The following GALNTL6 variants were observed in gnomAD, a reference collection of about 807,000 sequenced individuals.
The protein encoded by GALNTL6 is polypeptide N-acetylgalactosaminyltransferase like 6.
GALNTL6 carries 46 observed loss-of-function variants against 73.7 expected under a neutral mutation model. The ratio of observed to expected loss-of-function variants is 0.62; its 90% CI spans 0.49 to 0.80. The LOEUF (loss-of-function observed/expected upper bound fraction) is 0.80, where lower values mean the gene tolerates loss of function less well. Ranked by LOEUF, GALNTL6 falls within the 30% of genes least tolerant of loss-of-function variation. The probability of loss-of-function intolerance (pLI) is 0.00; values close to 1 mark genes in which losing one functional copy is unlikely to be tolerated. For synonymous variants in GALNTL6, 259 were observed against 263.7 expected (o/e 0.98, Z 0.17); for missense variants, 604 against 755.0 (o/e 0.80, Z 2.34).
In GALNTL6 at chr4:172,348,674, G is replaced by T. The variant is rs1320282880; in HGVS notation, c.538G>T (p.Asp180Tyr). 1.2e-6 allele frequency: 2 copies of T among 1,608,298 alleles called. No homozygotes were observed. The highest frequency in any genetic ancestry group is 1.7e-6 in the Non-Finnish European group (2 of 1,176,568). The change falls in exon 5 of 13, where the codon GAC becomes TAC. Residue 180 changes from aspartate (D) to tyrosine (Y), a missense_variant. Coordinates refer to ENST00000506823, the MANE Select transcript of GALNTL6 (RefSeq NM_001034845.3). ...SLIAEIILVD[D>Y]FSEREHLKDK... Reference sequence around the variant, plus strand: ...GATAGCAGAAATCATTCTAGTAGATGACTTCAGTGAGAGAGGTAAGATACA... The same window carrying T: ...GATAGCAGAAATCATTCTAGTAGATTACTTCAGTGAGAGAGGTAAGATACA...
At chr4:173,039,709 CTAAT>C (rs1241469114) in intron 12 of GALNTL6, among the ~76,000 whole-genome samples, 1 of 152,184 alleles carries the variant, frequency 6.6e-6, no homozygotes, top group Admixed American at 6.5e-5. Flanking sequence ...TTTATTGTCT[CTAAT>C]TGAACCTGCT....
intron 2 of GALNTL6, among the ~76,000 whole-genome samples, chr4:172,141,351 G>T (rs1475238990): frequency 6.6e-6 from 1 of 151,974 alleles, no homozygotes; most frequent in Non-Finnish European, 1.5e-5. Flanking sequence ...GTTGAGGAAG[G>T]CAGGCAAAAT....
intron 2 of GALNTL6, among the ~76,000 whole-genome samples, chr4:171,845,345 A>T (rs1263141313): frequency 6.6e-6 from 1 of 152,202 alleles, no homozygotes; most frequent in Non-Finnish European, 1.5e-5. Flanking sequence ...GGACCGAAAG[A>T]AAAACTTGAA....
rs553639003 is a variant in GALNTL6 at position 172,219,693 on chromosome 4, T to A, written c.139-9963T>A. Among the ~76,000 whole-genome samples the A allele has an allele frequency of 3.3e-5, 5 of 152,064 alleles. No homozygotes were observed. The South Asian group carries it at 1.0e-3, about 31-fold the overall frequency. ...TGTGAAAGTCACGGTCCAAGACCCTTTTAAGATTTAGATTTTAAGTGCTTT... is the reference window on the plus strand; with the variant it reads ...TGTGAAAGTCACGGTCCAAGACCCTATTAAGATTTAGATTTTAAGTGCTTT... On this transcript the variant is annotated intron_variant, in intron 2 of 12. Coordinates refer to ENST00000506823, the MANE Select transcript of GALNTL6 (RefSeq NM_001034845.3).
intron 2 of GALNTL6, among the ~76,000 whole-genome samples, chr4:171,826,130 C>G (rs1477849879): frequency 2.0e-5 from 3 of 152,144 alleles, no homozygotes; most frequent in South Asian, 2.1e-4. Context: ...CTCTCTTCGT[C>G]GTTTTTGGAA....
chr4:172,914,608 G>A (rs986272813), intron 8 of GALNTL6, among the ~76,000 whole-genome samples: 2 of 152,162 alleles, frequency 1.3e-5, no homozygotes, highest in Admixed American at 1.3e-4. Flanking sequence ...CCTAGTCTCT[G>A]ATAAAACAGA....
intron 5 of GALNTL6, among the ~76,000 whole-genome samples, chr4:172,646,125 A>G (rs1740231190): frequency 6.6e-6 from 1 of 152,030 alleles, no homozygotes; most frequent in Admixed American, 6.6e-5. Context: ...AAGTATTTAT[A>G]TTTTGTACTA....
Position 172,442,767 on chromosome 4 carries a change from A to C in GALNTL6, c.553+94078A>C, listed in dbSNP as rs76738899. ...ACTTGTTACTTGGAATGCAAATATC[A>C]GTATGATGTGCTATTTGCCATTAAG... On this transcript the variant is annotated intron_variant, in intron 5 of 12. Coordinates refer to ENST00000506823, the MANE Select transcript of GALNTL6 (RefSeq NM_001034845.3). 6.7e-3 allele frequency among the ~76,000 whole-genome samples: 1,015 copies of C among 152,306 alleles called. 13 individuals are homozygous for C. Among genetic ancestry groups the C allele is most frequent in the African/African-American group, 0.021 (856 of 41,574 alleles).
chr4:172,146,026 G>C (rs1733918292), intron 2 of GALNTL6, among the ~76,000 whole-genome samples: 1 of 152,176 alleles, frequency 6.6e-6, no homozygotes, highest in Admixed American at 6.5e-5. Context: ...TGTACACAAT[G>C]CTCTTGGCTA....
At chr4:172,369,210 CAG>C (rs1451825512) in intron 5 of GALNTL6, among the ~76,000 whole-genome samples, 1 of 152,144 alleles carries the variant, frequency 6.6e-6, no homozygotes, top group Non-Finnish European at 1.5e-5. Context: ...GAGCTAGACA[CAG>C]AGTGCTGACT....
intron 2 of GALNTL6, among the ~76,000 whole-genome samples, chr4:172,062,052 C>T (rs76284816): frequency 0.025 from 3,634 of 148,146 alleles, 141 homozygotes; most frequent in African/African-American, 0.085. Context: ...CAGGTTCAAA[C>T]GATTCTCCTG....
At chr4:172,250,846 G>A (rs1426590968) in intron 3 of GALNTL6, among the ~76,000 whole-genome samples, 7 of 152,142 alleles carry the variant, frequency 4.6e-5, no homozygotes, top group Non-Finnish European at 1.0e-4. Flanking sequence ...AACAGAGCAA[G>A]TTTTATTTTA....
chr4:171,912,221 T>C (rs559847960), intron 2 of GALNTL6, among the ~76,000 whole-genome samples: 1 of 152,196 alleles, frequency 6.6e-6, no homozygotes, highest in South Asian at 2.1e-4. Context: ...GTTCTACAGG[T>C]ACTCTGAATT....
intron 5 of GALNTL6, among the ~76,000 whole-genome samples, chr4:172,717,877 G>A (rs955582718): frequency 1.3e-5 from 2 of 152,172 alleles, no homozygotes; most frequent in African/African-American, 4.8e-5. Flanking sequence ...TCTCCTTTCA[G>A]AGATTAAGGG....
intron 2 of GALNTL6, among the ~76,000 whole-genome samples, chr4:172,137,007 C>A (rs539554082): frequency 6.6e-6 from 1 of 152,122 alleles, no homozygotes; most frequent in Admixed American, 6.5e-5. Flanking sequence ...CTCCCATATA[C>A]CCCTTTTTAA....
chr4:172,282,842 A>G (rs1739110920), intron 3 of GALNTL6, among the ~76,000 whole-genome samples: 1 of 152,154 alleles, frequency 6.6e-6, no homozygotes. Context: ...TAAGACAAAG[A>G]AACAAAAACA....
At chr4:172,430,178 G>A (rs1382833109) in intron 5 of GALNTL6, among the ~76,000 whole-genome samples, 1 of 151,890 alleles carries the variant, frequency 6.6e-6, no homozygotes, top group African/African-American at 2.4e-5. Context: ...CTAGTTCTTA[G>A]AACTTGACAG....
chr4:171,940,550 A>G (rs1321143597), intron 2 of GALNTL6, among the ~76,000 whole-genome samples: 1 of 152,146 alleles, frequency 6.6e-6, no homozygotes, highest in Non-Finnish European at 1.5e-5. Context: ...GGCCAGGCGC[A>G]GTGGCTCATG....
intron 5 of GALNTL6, among the ~76,000 whole-genome samples, chr4:172,632,675 A>G (rs1482927747): frequency 1.3e-5 from 2 of 152,222 alleles, no homozygotes; most frequent in Non-Finnish European, 2.9e-5. Context: ...TGCATAAGTA[A>G]CAAGGAGCCA....
Sources: gnomAD v4.1 joint callset for allele counts (sites outside exome capture counted in the v4.1 genomes callset) on GRCh38, gnomAD v4.1.1 for gene constraint, MANE v1.5 for transcripts, NCBI Gene and HGNC (gene_info 2026-07-23, HGNC 2026-07-21) for gene names.